Variants in MROH2B observed in about 807,000 individuals in gnomAD.
The protein encoded by MROH2B is maestro heat-like repeat-containing protein family member 2B.
A neutral mutation model predicts 208.6 loss-of-function variants in MROH2B; 177 were observed. That is an observed-to-expected ratio of 0.85 (90% CI 0.75 to 0.96). The LOEUF (loss-of-function observed/expected upper bound fraction) is 0.96. Among genes scored for constraint, MROH2B ranks in the 40% least tolerant of loss-of-function variants. MROH2B has a pLI of 0.00. For synonymous variants in MROH2B, 728 were observed against 659.0 expected, an observed-to-expected ratio of 1.10 and a Z score of -1.60; for missense variants, 2,002 against 1,878.7, an observed-to-expected ratio of 1.07 and a Z score of -1.21.
chr5:41,013,252 A>G (rs186504666), intron 29 of MROH2B, among the ~76,000 whole-genome samples: 1 of 152,314 alleles, frequency 6.6e-6, no homozygotes, highest in Admixed American at 6.5e-5. Context: ...TTGCTCTTCC[A>G]TATTTCAATA....
In MROH2B at chr5:41,003,932, T is replaced by A. The variant is rs146460846; in HGVS notation, c.4194+414A>T. Among the ~76,000 whole-genome samples the A allele has an allele frequency of 3.8e-3, 572 of 152,236 alleles. 8 individuals are homozygous for A. Among genetic ancestry groups the A allele is most frequent in the African/African-American group, 0.013 (552 of 41,544 alleles). ...TTTGAAATTGCGATTATGGAGTACATCAAAAGCTGGCAAACGTTTTCTCTA... is the reference window on the plus strand; with the variant it reads ...TTTGAAATTGCGATTATGGAGTACAACAAAAGCTGGCAAACGTTTTCTCTA... On this transcript the variant is annotated intron_variant, in intron 37 of 41. Coordinates refer to ENST00000399564, the MANE Select transcript of MROH2B (RefSeq NM_173489.5).
At position 41,055,873 on chromosome 5, in the gene MROH2B, A is replaced by T. The variant is rs1017994525; in HGVS notation, c.920-18T>A. ...GGAATGGGCTGCAGGTTCAAGAAAC[A>T]CTAGAGCTGTAACTCATTTTCATCC... On this transcript the variant is annotated intron_variant, in intron 9 of 41. Coordinates refer to ENST00000399564, the MANE Select transcript of MROH2B (RefSeq NM_173489.5). 2.6e-6 allele frequency: 4 copies of T among 1,552,944 alleles called. No individual in the cohort carries two copies. The highest frequency in any genetic ancestry group is 2.7e-5 in the African/African-American group (2 of 73,630).
rs200420550 is a variant in MROH2B at position 41,009,412 on chromosome 5, G to T, written c.3294-6C>A. The T allele has an allele frequency of 1.3e-4, 209 of 1,612,820 alleles. No individual in the cohort carries two copies. In the Middle Eastern group the frequency reaches 2.0e-3, roughly 15 times the overall value. On this transcript the variant is annotated splice_polypyrimidine_tract_variant and splice_region_variant and intron_variant, in intron 31 of 41. Transcript: ENST00000399564. ...TCCACAATGTCTTTGTGTCCCTAGG[G>T]TGGCAAAGCAGGAAATTGGTAGATA...
chr5:41,069,981 G>A (rs1743935882), intron 1 of MROH2B, among the ~76,000 whole-genome samples: 2 of 152,106 alleles, frequency 1.3e-5, no homozygotes, highest in Non-Finnish European at 2.9e-5. Context: ...AAATGTGAAA[G>A]GGAAGATAAA....
intron 30 of MROH2B, among the ~76,000 whole-genome samples, chr5:41,010,663 C>A (rs1180002030): frequency 2.0e-5 from 3 of 152,174 alleles, no homozygotes; most frequent in Admixed American, 2.0e-4. Flanking sequence ...TAGGGCAGTG[C>A]AACCACTCTG....
At chr5:41,065,788 T>A (rs1269590797) in intron 3 of MROH2B, among the ~76,000 whole-genome samples, 1 of 152,088 alleles carries the variant, frequency 6.6e-6, no homozygotes, top group East Asian at 1.9e-4. Context: ...TGCAATCAAG[T>A]TACCTCTGCT....
chr5:41,037,682 G>A (rs1742808479), intron 21 of MROH2B, among the ~76,000 whole-genome samples: 1 of 152,150 alleles, frequency 6.6e-6, no homozygotes, highest in Non-Finnish European at 1.5e-5. Flanking sequence ...AGTCCCTAAC[G>A]TCAAGGTGCT....
chr5:41,004,740 T>G (rs369374438), intron 36 of MROH2B, 34 bp downstream of exon 36: 85 of 1,597,932 alleles, frequency 5.3e-5, no homozygotes, highest in Non-Finnish European at 7.0e-5. Context: ...AAACTCTACT[T>G]AAATGAACCA....
chr5:41,070,495 A>C (rs948028199), intron 1 of MROH2B, among the ~76,000 whole-genome samples: 1 of 152,158 alleles, frequency 6.6e-6, no homozygotes, highest in Non-Finnish European at 1.5e-5. Flanking sequence ...AAAGGCAGCC[A>C]TACCTGGAAA....
intron 24 of MROH2B, among the ~76,000 whole-genome samples, chr5:41,032,317 C>G (rs1194900489): frequency 2.0e-5 from 3 of 152,054 alleles, no homozygotes; most frequent in Non-Finnish European, 4.4e-5. Context: ...TCTTTTACTG[C>G]AGGGTGAAAA....
chr5:41,031,155 A>T (rs1320565413), intron 24 of MROH2B, among the ~76,000 whole-genome samples: 1 of 152,154 alleles, frequency 6.6e-6, no homozygotes, highest in Non-Finnish European at 1.5e-5. Flanking sequence ...AAGAGGTTTA[A>T]TTGACTCACA....
chr5:41,009,964 G>A lies in MROH2B; in HGVS notation c.3251C>T (p.Thr1084Ile), dbSNP rs755215585. 1 of 1,613,870 alleles carries A rather than the reference G, an allele frequency of 6.2e-7. No individual in the cohort carries two copies. The highest frequency in any genetic ancestry group is 8.5e-7 in the Non-Finnish European group (1 of 1,179,800). The change falls in exon 31 of 42, where the codon ACA (threonine) becomes ATA (isoleucine). Residue 1084 changes from threonine (T) to isoleucine (I), a missense_variant. Transcript: ENST00000399564. Reference sequence around the variant, plus strand: ...CTTCTGTAAAAGGTTGACAACAACTGTATCCATGTGAAAGCTGGCTATCTG... The same window carrying A: ...CTTCTGTAAAAGGTTGACAACAACTATATCCATGTGAAAGCTGGCTATCTG... ...ISQIASFHMD[T>I]VVVNLLQKPL...
chr5:41,041,008 G>T (rs1190886246), intron 19 of MROH2B, among the ~76,000 whole-genome samples: 1 of 152,090 alleles, frequency 6.6e-6, no homozygotes, highest in East Asian at 1.9e-4. Flanking sequence ...GACCTTGAAT[G>T]AGAGTCTTAT....
chr5:41,027,129 C>G (rs1742392600), intron 24 of MROH2B, among the ~76,000 whole-genome samples: 1 of 152,154 alleles, frequency 6.6e-6, no homozygotes, highest in Non-Finnish European at 1.5e-5. Flanking sequence ...TAGGCATGGG[C>G]AAGGACTTCA....
intron 37 of MROH2B, 49 bp from the exon 38 acceptor site, chr5:41,000,882 C>T: frequency 1.9e-6 from 3 of 1,560,738 alleles, no homozygotes; most frequent in African/African-American, 2.7e-5. Context: ...AGAGGCCATT[C>T]CCTGCTAGCA....
chr5:41,070,555 CA>C (rs1743956565), intron 1 of MROH2B, among the ~76,000 whole-genome samples: 1 of 152,170 alleles, frequency 6.6e-6, no homozygotes, highest in Non-Finnish European at 1.5e-5. Context: ...AATTAAATAA[CA>C]AACTGCCTTT....
chr5:41,004,834 G>T lies in MROH2B; in HGVS notation c.3951C>A (p.Ala1317=). The change falls in exon 36 of 42, where the codon GCC becomes GCA. Residue 1317 remains alanine, a synonymous_variant. Coordinates refer to ENST00000399564, the MANE Select transcript of MROH2B (RefSeq NM_173489.5). Reference sequence around the variant, plus strand: ...CTCGGATGGCCATCTGCCTCAGAGTGGCGTTGGAGTCCCAGGCACTTTGAT... The same window carrying T: ...CTCGGATGGCCATCTGCCTCAGAGTTGCGTTGGAGTCCCAGGCACTTTGAT... ...LMDQSAWDSN[A]TLRQMAIRGL... is the part of the protein sequence containing the mutation. The T allele has an allele frequency of 6.2e-7, 1 of 1,614,008 alleles. No individual in the cohort carries two copies. The highest frequency in any genetic ancestry group is 8.5e-7 in the Non-Finnish European group (1 of 1,179,876).
chr5:41,054,791 G>T lies in MROH2B; in HGVS notation c.1083C>A (p.Ile361=). 6.2e-7 allele frequency: 1 copy of T among 1,611,508 alleles called. No individual in the cohort carries two copies. Among genetic ancestry groups the T allele is most frequent in the Non-Finnish European group, 8.5e-7 (1 of 1,178,602 alleles). ...HIISIERTVK[I]VMGDLSTKVR... is the part of the protein sequence containing the mutation. ...CTTTTGTACTGAGATCACCCATGAC[G>T]ATTTTGACTGTTCTTTCTATTGAAA... Residue 361 remains isoleucine, a synonymous_variant, in exon 11 of 42, where the codon ATC becomes ATA. Transcript: ENST00000399564.
At chr5:41,053,371 C>T (rs913629516) in intron 11 of MROH2B, among the ~76,000 whole-genome samples, 1 of 152,064 alleles carries the variant, frequency 6.6e-6, no homozygotes, top group Non-Finnish European at 1.5e-5. Flanking sequence ...TAATGTTTTT[C>T]TAAAAGCTGA....
Sources: gnomAD v4.1 joint callset for allele counts (sites outside exome capture counted in the v4.1 genomes callset) on GRCh38, gnomAD v4.1.1 for gene constraint, MANE v1.5 for transcripts, NCBI Gene and HGNC (gene_info 2026-07-23, HGNC 2026-07-21) for gene names.